The following PLA2G7 variants were observed in gnomAD, a reference collection of about 807,000 sequenced individuals.
PLA2G7 encodes the protein platelet-activating factor acetylhydrolase.
Under a neutral mutation model 49.6 loss-of-function variants are expected in PLA2G7, and 63 were observed. That is an observed-to-expected ratio of 1.27 (90% CI 1.04 to 1.57). The LOEUF (loss-of-function observed/expected upper bound fraction) is 1.57, where lower values mean the gene tolerates loss of function less well. Ranked by LOEUF, PLA2G7 falls within the 40% of genes most tolerant of loss-of-function variation. The pLI, the probability that PLA2G7 is intolerant of heterozygous loss-of-function variation, is 0.00. For missense variants in PLA2G7, 596 were observed against 521.2 expected (o/e 1.14, Z -1.40); for synonymous variants, 193 against 169.9 (o/e 1.14, Z -1.06).
intron 1 of PLA2G7, among the ~76,000 whole-genome samples, chr6:46,730,568 T>G (rs1037999582): frequency 6.6e-6 from 1 of 152,146 alleles, no homozygotes; most frequent in African/African-American, 2.4e-5. Context: ...CTGTCCTTAT[T>G]CTATTTGGAT....
intron 2 of PLA2G7, among the ~76,000 whole-genome samples, chr6:46,718,539 C>A (rs978548635): frequency 1.3e-5 from 2 of 152,188 alleles, no homozygotes; most frequent in Non-Finnish European, 2.9e-5. Context: ...ATACCCCTTC[C>A]TTGTGCTACA....
chr6:46,716,314 G>T, intron 4 of PLA2G7, 70 bp downstream of exon 4: 1 of 1,515,222 alleles, frequency 6.6e-7, no homozygotes, highest in Non-Finnish European at 9.2e-7. Flanking sequence ...TTAACTACTT[G>T]AAGTTCTTGT....
intron 1 of PLA2G7, among the ~76,000 whole-genome samples, chr6:46,730,091 G>A (rs978117473): frequency 4.6e-5 from 7 of 152,148 alleles, no homozygotes; most frequent in Admixed American, 6.5e-5. Context: ...GAATTGGTGG[G>A]GATTTAAGGA....
chr6:46,723,831 T>C (rs1765482132), intron 1 of PLA2G7, among the ~76,000 whole-genome samples: 5 of 152,168 alleles, frequency 3.3e-5, no homozygotes, highest in Admixed American at 3.3e-4. Context: ...TGGTGTTATA[T>C]GTTACGGGGG....
chr6:46,711,761 T>A, intron 6 of PLA2G7, 142 bp from the exon 7 acceptor site: 1 of 878,068 alleles, frequency 1.1e-6, no homozygotes, highest in Non-Finnish European at 1.8e-6. Context: ...TCTCTTAAAT[T>A]AAAGAAGACT....
At chr6:46,715,773 GT>G (rs1174050796) in intron 4 of PLA2G7, among the ~76,000 whole-genome samples, 2 of 152,174 alleles carry the variant, frequency 1.3e-5, no homozygotes, top group Non-Finnish European at 2.9e-5. Context: ...TTTGTAGATC[GT>G]TTTGAGGGGT....
chr6:46,718,514 T>C (rs928921937), intron 2 of PLA2G7, among the ~76,000 whole-genome samples: 6 of 152,214 alleles, frequency 3.9e-5, no homozygotes, highest in African/African-American at 1.4e-4. Context: ...TTCCTCTTCT[T>C]CTTCCCCTTA....
intron 11 of PLA2G7, 47 bp downstream of exon 11, chr6:46,705,106 G>C: frequency 7.3e-7 from 1 of 1,377,226 alleles, no homozygotes; most frequent in Non-Finnish European, 1.0e-6. Flanking sequence ...AGACAGCTTT[G>C]TCCTGAGATT....
At chr6:46,704,848 T>C in intron 11 of PLA2G7, 152 bp from the exon 12 acceptor site, 1 of 642,250 alleles carries the variant, frequency 1.6e-6, no homozygotes, top group Non-Finnish European at 2.7e-6. Flanking sequence ...TCATGGCTGC[T>C]TTAGCAGCTG....
At position 46,717,097 on chromosome 6, in the gene PLA2G7, C is replaced by T. The variant is rs1267487154; in HGVS notation, c.110-1G>A. 3 of 1,612,694 alleles carry T rather than the reference C, an allele frequency of 1.9e-6. No homozygotes were observed. Among genetic ancestry groups the T allele is most frequent in the South Asian group, 1.1e-5 (1 of 91,050 alleles). ...AGTACTTGTATTTTGTTGACCCATGCTGAAAAACAGGTAAATATTATCTCA... is the reference window on the plus strand; with the variant it reads ...AGTACTTGTATTTTGTTGACCCATGTTGAAAAACAGGTAAATATTATCTCA... On this transcript the variant is annotated splice_acceptor_variant, in intron 2 of 11. Coordinates refer to ENST00000274793, the MANE Select transcript of PLA2G7 (RefSeq NM_005084.4). LOFTEE classifies it high-confidence loss of function.
chr6:46,718,179 A>C (rs938761452), intron 2 of PLA2G7, among the ~76,000 whole-genome samples: 1 of 152,200 alleles, frequency 6.6e-6, no homozygotes, highest in African/African-American at 2.4e-5. Flanking sequence ...ACCCCTTCAA[A>C]TGCATCCTTT....
At chr6:46,708,252 C>T (rs143056581) in intron 9 of PLA2G7, 91 bp from the exon 10 acceptor site, 15 of 931,950 alleles carry the variant, frequency 1.6e-5, no homozygotes, top group Non-Finnish European at 2.1e-5. Flanking sequence ...TTGGTGGACA[C>T]GCACCATACC....
chr6:46,722,859 G>A lies in PLA2G7; in HGVS notation c.33C>T (p.Cys11=), dbSNP rs1228126658. 3.7e-6 allele frequency: 6 copies of A among 1,613,642 alleles called. No individual in the cohort carries two copies. The highest frequency in any genetic ancestry group is 5.1e-6 in the Non-Finnish European group (6 of 1,179,620). MVPPKLHVLF[C]LCGCLAVVYP... is the part of the protein sequence containing the mutation. Reference sequence around the variant, plus strand: ...AAACCACAGCCAGGCAGCCGCAGAGGCAGAAAAGCACATGCAATTTGGGTG... The same window carrying A: ...AAACCACAGCCAGGCAGCCGCAGAGACAGAAAAGCACATGCAATTTGGGTG... Residue 11 remains cysteine (C), a synonymous_variant, in exon 2 of 12, where the codon TGC becomes TGT. Coordinates refer to ENST00000274793, the MANE Select transcript of PLA2G7 (RefSeq NM_005084.4).
In PLA2G7 at chr6:46,724,664, C is replaced by T. The variant is rs1393587043; in HGVS notation, c.-34-1739G>A. Among the ~76,000 whole-genome samples the T allele has an allele frequency of 2.0e-5, 3 of 152,218 alleles. No individual in the cohort carries two copies. The East Asian group carries it at 5.8e-4, about 29-fold the overall frequency. ...AGTCACTGTATCTCCTTCATGCCTT[C>T]CTTTCCCTGACACAGCAAACTTAGA... is the stretch of plus-strand genomic sequence containing the variant. On this transcript the variant is annotated intron_variant, in intron 1 of 11. Coordinates refer to ENST00000274793, the MANE Select transcript of PLA2G7 (RefSeq NM_005084.4).
At chr6:46,734,356 A>G (rs529611312) in intron 1 of PLA2G7, among the ~76,000 whole-genome samples, 4 of 149,222 alleles carry the variant, frequency 2.7e-5, no homozygotes, top group African/African-American at 9.8e-5. Context: ...TGAGAGAGAG[A>G]GCGGAGGGAG....
chr6:46,706,105 T>G (rs1168677779), intron 10 of PLA2G7, among the ~76,000 whole-genome samples: 2 of 152,206 alleles, frequency 1.3e-5, no homozygotes, highest in Non-Finnish European at 2.9e-5. Flanking sequence ...ATCATGTAAA[T>G]TATGTAATCA....
chr6:46,720,183 C>T lies in PLA2G7; in HGVS notation c.109+2600G>A, dbSNP rs13362652. ...AGGGAGACCTCTGGCTCACACAACT[C>T]GCTAAGGAGCCCCAGGGCCACAGCT... On this transcript the variant is annotated intron_variant, in intron 2 of 11. Transcript: ENST00000274793. Among the ~76,000 whole-genome samples, 346 of 152,300 alleles carry T rather than the reference C, an allele frequency of 2.3e-3. 2 individuals carry two copies. The highest frequency in any genetic ancestry group is 5.6e-3 in the African/African-American group (233 of 41,574).
At chr6:46,734,954 G>T (rs950061149) in intron 1 of PLA2G7, among the ~76,000 whole-genome samples, 1 of 152,178 alleles carries the variant, frequency 6.6e-6, no homozygotes, top group African/African-American at 2.4e-5. Context: ...TTCGGGAAAA[G>T]GTTTGGAAGA....
At chr6:46,712,440 A>G in intron 5 of PLA2G7, 103 bp from the exon 6 acceptor site, 1 of 824,398 alleles carries the variant, frequency 1.2e-6, no homozygotes, top group Admixed American at 1.9e-5. Context: ...CCCCTGTAGT[A>G]GTGCCCTGGG....
Sources: allele counts gnomAD v4.1 joint callset (sites outside exome capture counted in the v4.1 genomes callset), GRCh38; gene constraint gnomAD v4.1.1; transcripts MANE v1.5; gene names NCBI Gene and HGNC (gene_info 2026-07-23, HGNC 2026-07-21).